HIVEP1: variants seen among roughly 807,000 people sequenced by gnomAD.
HIVEP1 encodes zinc finger protein 40.
A neutral mutation model predicts 180.0 loss-of-function variants in HIVEP1; 36 were observed. The observed-to-expected ratio is 0.20, with a 90% CI of 0.15 to 0.26. The LOEUF (loss-of-function observed/expected upper bound fraction) is 0.26. HIVEP1 is among the 10% of genes least tolerant of loss of function. The probability of loss-of-function intolerance (pLI) is 1.00; values close to 1 mark genes in which losing one functional copy is unlikely to be tolerated. For synonymous variants in HIVEP1, 1,239 were observed against 1,239.0 expected, an observed-to-expected ratio of 1.00 and a Z score of 0.00; for missense variants, 3,143 against 3,268.7, an observed-to-expected ratio of 0.96 and a Z score of 0.94.
chr6:12,169,055 T>C (rs1451626275), downstream of HIVEP1, among the ~76,000 whole-genome samples: 4 of 151,992 alleles, frequency 2.6e-5, no homozygotes, highest in Non-Finnish European at 4.4e-5. Context: ...ACTGGCTAAT[T>C]TTTGTATTTT....
the HIVEP1 span, among the ~76,000 whole-genome samples, chr6:12,205,934 A>G: frequency 1.3e-5 from 2 of 152,092 alleles, no homozygotes; most frequent in Non-Finnish European, 2.9e-5. Flanking sequence ...GCCATCATTA[A>G]TTAGATAGTA....
intron 2 of HIVEP1, among the ~76,000 whole-genome samples, chr6:12,065,400 G>A (rs532147421): frequency 2.3e-4 from 35 of 152,334 alleles, no homozygotes; most frequent in African/African-American, 7.9e-4. Context: ...GTTAGTGTCA[G>A]GAGAGAGCTT....
intron 2 of HIVEP1, among the ~76,000 whole-genome samples, chr6:12,051,000 G>GTATATATATATATATA (rs1460249313): frequency 3.7e-4 from 3 of 8,196 alleles, no homozygotes; most frequent in Non-Finnish European, 1.0e-3. Flanking sequence ...ATACACAAGT[G>GTATATATATATATATA]CATATATATA....
At chr6:12,073,871 G>A (rs1165826291) in intron 2 of HIVEP1, among the ~76,000 whole-genome samples, 1 of 152,054 alleles carries the variant, frequency 6.6e-6, no homozygotes, top group African/African-American at 2.4e-5. Context: ...AGATGGTGCT[G>A]GGATCCTTTT....
intron 2 of HIVEP1, among the ~76,000 whole-genome samples, chr6:12,067,070 T>A (rs67170588): frequency 0.21 from 32,373 of 152,106 alleles, 4,132 homozygotes; most frequent in Middle Eastern, 0.32. Flanking sequence ...ATTTTCTAAG[T>A]ATTAGTCTTT....
chr6:12,167,872 A>T (rs1260644009), downstream of HIVEP1, among the ~76,000 whole-genome samples: 1 of 144,870 alleles, frequency 6.9e-6, no homozygotes, highest in Non-Finnish European at 1.5e-5. Context: ...TAATATATAC[A>T]CATGTACATG....
chr6:12,109,624 T>C (rs1774753605), intron 3 of HIVEP1, among the ~76,000 whole-genome samples: 1 of 152,232 alleles, frequency 6.6e-6, no homozygotes, highest in African/African-American at 2.4e-5. Flanking sequence ...ATCTTCAAGC[T>C]CCACTTTAGT....
At chr6:12,200,394 G>T in the HIVEP1 span, among the ~76,000 whole-genome samples, 2 of 152,232 alleles carry the variant, frequency 1.3e-5, no homozygotes, top group African/African-American at 4.8e-5. Flanking sequence ...GCCCTGCTCT[G>T]CAGGCGCAGT....
chr6:12,017,301 C>T (rs555629839), intron 2 of HIVEP1, among the ~76,000 whole-genome samples: 1 of 152,286 alleles, frequency 6.6e-6, no homozygotes, highest in East Asian at 1.9e-4. Context: ...AGTGTTATAG[C>T]TCTTAAAGGT....
chr6:12,152,171 CA>C (rs901163947), intron 7 of HIVEP1, among the ~76,000 whole-genome samples: 2 of 151,724 alleles, frequency 1.3e-5, no homozygotes, highest in African/African-American at 4.8e-5. Flanking sequence ...CTCAAAAAAA[CA>C]AAAAAAGACA....
intron 3 of HIVEP1, among the ~76,000 whole-genome samples, chr6:12,095,321 G>A (rs930200319): frequency 1.3e-5 from 2 of 151,266 alleles, no homozygotes; most frequent in African/African-American, 4.9e-5. Flanking sequence ...TTCTTAACTT[G>A]GAATGCTCAT....
intron 3 of HIVEP1, among the ~76,000 whole-genome samples, chr6:12,111,154 CAG>C (rs1327345194): frequency 6.6e-6 from 1 of 152,132 alleles, no homozygotes; most frequent in Admixed American, 6.5e-5. Flanking sequence ...ATCACCATGA[CAG>C]ATATAATAAT....
the HIVEP1 span, among the ~76,000 whole-genome samples, chr6:12,170,917 C>G: frequency 6.6e-6 from 1 of 152,124 alleles, no homozygotes; most frequent in African/African-American, 2.4e-5. Flanking sequence ...GACCCAGTGC[C>G]AAGCTGGCCA....
intron 2 of HIVEP1, among the ~76,000 whole-genome samples, chr6:12,067,945 G>A (rs1771706601): frequency 6.6e-6 from 1 of 151,994 alleles, no homozygotes; most frequent in African/African-American, 2.4e-5. Flanking sequence ...TTTATCCATT[G>A]TATTCATTTT....
intron 7 of HIVEP1, among the ~76,000 whole-genome samples, chr6:12,142,491 A>G (rs910572430): frequency 4.6e-5 from 7 of 152,208 alleles, no homozygotes; most frequent in African/African-American, 1.7e-4. Flanking sequence ...AGCAAGAGCA[A>G]ACAAATTCAA....
At chr6:12,025,316 T>C (rs1480997510) in intron 2 of HIVEP1, among the ~76,000 whole-genome samples, 1 of 152,246 alleles carries the variant, frequency 6.6e-6, no homozygotes, top group African/African-American at 2.4e-5. Flanking sequence ...GGATTTTTTT[T>C]TTCTTAAGCC....
chr6:12,143,399 G>C (rs1458706011), intron 7 of HIVEP1, among the ~76,000 whole-genome samples: 1 of 152,074 alleles, frequency 6.6e-6, no homozygotes, highest in Non-Finnish European at 1.5e-5. Flanking sequence ...AATAATAAGA[G>C]CTATTTATGA....
chr6:12,013,668 C>T (rs1414229810), intron 1 of HIVEP1, among the ~76,000 whole-genome samples: 1 of 152,216 alleles, frequency 6.6e-6, no homozygotes, highest in Non-Finnish European at 1.5e-5. Context: ...GTTAAGCATT[C>T]ATGCAATTTA....
chr6:12,036,953 A>G (rs1419836825), intron 2 of HIVEP1, among the ~76,000 whole-genome samples: 1 of 152,170 alleles, frequency 6.6e-6, no homozygotes, highest in Non-Finnish European at 1.5e-5. Flanking sequence ...TCCAGAGAAG[A>G]TGGTGTGGAG....
Sources: allele counts gnomAD v4.1 joint callset (sites outside exome capture counted in the v4.1 genomes callset), GRCh38; gene constraint gnomAD v4.1.1; transcripts MANE v1.5; gene names NCBI Gene and HGNC (gene_info 2026-07-23, HGNC 2026-07-21).